The following GABRB2 variants were observed in gnomAD, a reference collection of about 807,000 sequenced individuals.
GABRB2 encodes the protein gamma-aminobutyric acid type A receptor subunit beta2.
Under a neutral mutation model 54.7 loss-of-function variants are expected in GABRB2, and 16 were observed. That is an observed-to-expected ratio of 0.29 (90% confidence interval 0.20 to 0.44). The LOEUF is 0.44. GABRB2 is among the 20% of genes least tolerant of loss of function. The probability of loss-of-function intolerance (pLI) is 1.00; values close to 1 mark genes in which losing one functional copy is unlikely to be tolerated. For missense variants in GABRB2, 355 were observed against 644.0 expected (o/e 0.55, Z 4.86); for synonymous variants, 244 against 233.8 (o/e 1.04, Z -0.40).
At chr5:161,533,423 T>C (rs1288188518) in intron 3 of GABRB2, among the ~76,000 whole-genome samples, 1 of 152,138 alleles carries the variant, frequency 6.6e-6, no homozygotes, top group East Asian at 1.9e-4. Flanking sequence ...AAAAATGTAA[T>C]TGATTTTGGA....
chr5:161,289,477 A>T lies in GABRB2; in HGVS notation c.*4604T>A, dbSNP rs901842523. On this transcript the variant is annotated 3_prime_UTR_variant, in exon 10 of 10. Coordinates refer to ENST00000393959, the MANE Select transcript of GABRB2 (RefSeq NM_001371727.1). ...TACCTAAGGACAAAATACTATTATTAAAAAAAAAGTCTTCTAGTGTATATT... is the reference window on the plus strand; with the variant it reads ...TACCTAAGGACAAAATACTATTATTTAAAAAAAAGTCTTCTAGTGTATATT... 3 of 149,270 alleles carry T rather than the reference A, an allele frequency of 2.0e-5. No homozygotes were observed. Among genetic ancestry groups the T allele is most frequent in the Admixed American group, 6.8e-5 (1 of 14,808 alleles). 9.2% of individuals were successfully genotyped at this position (149,270 alleles called of 1,614,324 possible).
chr5:161,365,682 C>A (rs1043944681), intron 5 of GABRB2, among the ~76,000 whole-genome samples: 1 of 152,112 alleles, frequency 6.6e-6, no homozygotes, highest in African/African-American at 2.4e-5. Context: ...GTTAAGATAT[C>A]TGCTCCAATC....
Position 161,459,841 on chromosome 5 carries a change from A to G in GABRB2, c.241T>C (p.Tyr81His). 1 of 1,601,558 alleles carries G rather than the reference A, an allele frequency of 6.2e-7. No individual in the cohort carries two copies. Among genetic ancestry groups the G allele is most frequent in the Non-Finnish European group, 8.6e-7 (1 of 1,168,808 alleles). The change falls in exon 4 of 10, where the codon TAT becomes CAT. Residue 81 changes from tyrosine to histidine, a missense_variant. Around this residue, in one of 6 missense-constraint regions of GABRB2, gnomAD observed 42 missense variants for 99.7 expected, o/e 0.42. Transcript: ENST00000393959. ...IDMVSEVNMD[Y>H]TLTMYFQQAW... is the part of the protein sequence containing the mutation. ...TGTTGAAAGTACATTGTCAAGGTAT[A>G]ATCCTGTAAATGTGAGAAAAAAAAA...
At chr5:161,379,577 A>T (rs1455705704) in intron 5 of GABRB2, among the ~76,000 whole-genome samples, 1 of 152,154 alleles carries the variant, frequency 6.6e-6, no homozygotes, top group East Asian at 1.9e-4. Context: ...CATTTCTATT[A>T]TGTTGATTCG....
intron 9 of GABRB2, among the ~76,000 whole-genome samples, chr5:161,300,541 A>G (rs1268750846): frequency 2.0e-5 from 3 of 152,182 alleles, no homozygotes; most frequent in Admixed American, 6.5e-5. Context: ...GTAATATTCC[A>G]TGTTGCCTCT....
chr5:161,449,683 C>G (rs1010817917), intron 4 of GABRB2, among the ~76,000 whole-genome samples: 7 of 152,016 alleles, frequency 4.6e-5, no homozygotes, highest in African/African-American at 1.7e-4. Flanking sequence ...AAAACCGTGC[C>G]CTTATGGGTG....
chr5:161,506,786 T>A (rs1247335992), intron 3 of GABRB2, among the ~76,000 whole-genome samples: 3 of 152,094 alleles, frequency 2.0e-5, no homozygotes, highest in Non-Finnish European at 4.4e-5. Flanking sequence ...AATAGACCCA[T>A]ACTTAATATA....
At position 161,294,035 on chromosome 5, in the gene GABRB2, G is replaced by A. The variant is rs1486236512; in HGVS notation, c.*46C>T. On this transcript the variant is annotated 3_prime_UTR_variant, in exon 10 of 10. Coordinates refer to ENST00000393959, the MANE Select transcript of GABRB2 (RefSeq NM_001371727.1). ...AAGTCCTACATCAGGCTGTACAACT[G>A]GTTTGAGGAGGAATCTAGTCCTTGC... is the stretch of plus-strand genomic sequence containing the variant. The A allele has an allele frequency of 2.1e-6, 3 of 1,433,132 alleles. No individual in the cohort carries two copies. Among genetic ancestry groups the A allele is most frequent in the East Asian group, 2.3e-5 (1 of 43,644 alleles). 88.8% of individuals were successfully genotyped at this position (1,433,132 alleles called of 1,614,324 possible).
At chr5:161,531,138 C>T (rs1307383286) in intron 3 of GABRB2, among the ~76,000 whole-genome samples, 1 of 152,102 alleles carries the variant, frequency 6.6e-6, no homozygotes, top group African/African-American at 2.4e-5. Context: ...CAACGAAAGG[C>T]ACACAGAAAT....
chr5:161,508,365 T>C (rs1043219903), intron 3 of GABRB2, among the ~76,000 whole-genome samples: 2 of 149,806 alleles, frequency 1.3e-5, no homozygotes, highest in African/African-American at 2.5e-5. Flanking sequence ...GTGATAAGCA[T>C]ATTAAGACAA....
chr5:161,345,620 A>G (rs1754300086), intron 5 of GABRB2, among the ~76,000 whole-genome samples: 1 of 152,060 alleles, frequency 6.6e-6, no homozygotes, highest in African/African-American at 2.4e-5. Context: ...CTTTAAAGAC[A>G]CATTTCAACT....
At chr5:161,321,329 A>T (rs1025272917) in intron 9 of GABRB2, among the ~76,000 whole-genome samples, 1 of 152,098 alleles carries the variant, frequency 6.6e-6, no homozygotes, top group Non-Finnish European at 1.5e-5. Context: ...TTACATCATA[A>T]GATTATTCTG....
intron 3 of GABRB2, among the ~76,000 whole-genome samples, chr5:161,522,737 T>C (rs1760155131): frequency 6.6e-6 from 1 of 151,468 alleles, no homozygotes; most frequent in South Asian, 2.1e-4. Flanking sequence ...CATGAGTGAG[T>C]AGGTGTATCA....
At chr5:161,425,902 C>T (rs1204529840) in intron 4 of GABRB2, among the ~76,000 whole-genome samples, 1 of 151,986 alleles carries the variant, frequency 6.6e-6, no homozygotes, top group Non-Finnish European at 1.5e-5. Context: ...CTCATAATTG[C>T]TTGTAGAATA....
chr5:161,527,965 G>A (rs1382321048), intron 3 of GABRB2, among the ~76,000 whole-genome samples: 1 of 151,506 alleles, frequency 6.6e-6, no homozygotes, highest in Non-Finnish European at 1.5e-5. Flanking sequence ...ATTTACCAAA[G>A]AAAATAATTT....
intron 3 of GABRB2, among the ~76,000 whole-genome samples, chr5:161,474,835 AT>A (rs1758547696): frequency 6.6e-5 from 10 of 151,942 alleles, no homozygotes; most frequent in Admixed American, 6.6e-4. Context: ...GGTATAGTCA[AT>A]TACATACCCC....
intron 4 of GABRB2, among the ~76,000 whole-genome samples, chr5:161,422,358 T>G (rs913697154): frequency 1.2e-4 from 18 of 152,156 alleles, no homozygotes; most frequent in African/African-American, 4.1e-4. Flanking sequence ...TAGATGTAAA[T>G]GTATATATAG....
At chr5:161,478,036 C>T (rs772666455) in intron 3 of GABRB2, among the ~76,000 whole-genome samples, 8 of 151,926 alleles carry the variant, frequency 5.3e-5, no homozygotes, top group East Asian at 1.9e-4. Flanking sequence ...TGGATTTCTA[C>T]GTAGTTATTT....
At chr5:161,485,072 C>A (rs561089136) in intron 3 of GABRB2, among the ~76,000 whole-genome samples, 7 of 152,022 alleles carry the variant, frequency 4.6e-5, no homozygotes, top group African/African-American at 1.4e-4. Context: ...CCCTTCTCCT[C>A]TTCATTTGAG....
Sources: allele counts gnomAD v4.1 joint callset (sites outside exome capture counted in the v4.1 genomes callset), GRCh38; gene constraint gnomAD v4.1.1; regional missense constraint gnomAD v4.1.1; transcripts MANE v1.5; gene names NCBI Gene and HGNC (gene_info 2026-07-23, HGNC 2026-07-21).